STAU2: variants seen among roughly 807,000 people sequenced by gnomAD.
The protein encoded by STAU2 is double-stranded RNA-binding protein Staufen homolog 2.
STAU2 carries 20 observed loss-of-function variants against 65.9 expected under a neutral mutation model. The observed-to-expected ratio is 0.30, with a 90% confidence interval of 0.21 to 0.44. The LOEUF is 0.44. STAU2 is among the 20% of genes least tolerant of loss of function. The pLI is 1.00. For missense variants in STAU2, 558 were observed against 683.9 expected, an observed-to-expected ratio of 0.82 and a Z score of 2.05; for synonymous variants, 232 against 233.9, an observed-to-expected ratio of 0.99 and a Z score of 0.07.
In STAU2 at chr8:73,421,124, A is replaced by C. The variant is rs773967008; in HGVS notation, c.*248T>G. The C allele has an allele frequency of 1.1e-4, 45 of 398,422 alleles. 1 individual carries two copies. The highest frequency in any genetic ancestry group is 1.5e-4 in the Non-Finnish European group (33 of 224,892). The allele number at this position is 398,422 out of a possible 1,614,324, so 24.7% of individuals were successfully genotyped here. ...TATTTTAAGCTCCAGTAGCAGGATC[A>C]GATTTCTGCTGCCTCTAGGCAAATG... is the stretch of plus-strand genomic sequence containing the variant. On this transcript the variant is annotated 3_prime_UTR_variant, in exon 15 of 15. Coordinates refer to ENST00000524300, the MANE Select transcript of STAU2 (RefSeq NM_001164380.2).
At chr8:73,424,711 T>C (rs1438366069) in intron 13 of STAU2, among the ~76,000 whole-genome samples, 1 of 151,878 alleles carries the variant, frequency 6.6e-6, no homozygotes, top group Admixed American at 6.6e-5. Context: ...AATACTTTTT[T>C]CTTTCTTCTC....
chr8:73,568,609 A>C (rs1408885218), intron 12 of STAU2, among the ~76,000 whole-genome samples: 10 of 6,962 alleles, frequency 1.4e-3, no homozygotes, highest in East Asian at 7.6e-3. Flanking sequence ...ACCCTATCTC[A>C]AAAAAAAAAA....
At chr8:73,427,730 C>G (rs1816930461) in intron 13 of STAU2, among the ~76,000 whole-genome samples, 1 of 152,240 alleles carries the variant, frequency 6.6e-6, no homozygotes, top group Admixed American at 6.5e-5. Context: ...GCTCCAAGGA[C>G]CAATCCATGC....
intron 3 of STAU2, among the ~76,000 whole-genome samples, chr8:73,723,749 A>G (rs1280659933): frequency 6.6e-6 from 1 of 152,118 alleles, no homozygotes; most frequent in African/African-American, 2.4e-5. Context: ...TAACTTTTTG[A>G]ATACATGGAA....
At chr8:73,426,929 T>A (rs1441084772) in intron 13 of STAU2, among the ~76,000 whole-genome samples, 7 of 141,412 alleles carry the variant, frequency 5.0e-5, no homozygotes, top group African/African-American at 1.5e-4. Context: ...TTTAAAGATT[T>A]TTTTTTTTTT....
intron 12 of STAU2, among the ~76,000 whole-genome samples, chr8:73,568,877 G>C (rs549377731): frequency 2.6e-5 from 4 of 152,248 alleles, no homozygotes; most frequent in Admixed American, 6.5e-5. Context: ...GGCCAGATAG[G>C]AACAGCTCCA....
chr8:73,573,825 A>G (rs1176119961), intron 12 of STAU2, among the ~76,000 whole-genome samples: 1 of 152,252 alleles, frequency 6.6e-6, no homozygotes, highest in East Asian at 1.9e-4. Flanking sequence ...AGGCAATACC[A>G]TTCAGGACAT....
intron 12 of STAU2, among the ~76,000 whole-genome samples, chr8:73,580,394 A>G (rs976201677): frequency 9.2e-5 from 14 of 152,238 alleles, no homozygotes; most frequent in Admixed American, 6.5e-5. Flanking sequence ...GAGTTGTTCA[A>G]GGTCAGACAG....
chr8:73,652,439 G>A (rs968547725), intron 6 of STAU2: 25 of 152,096 alleles, frequency 1.6e-4, no homozygotes, highest in African/African-American at 5.6e-4. Context: ...CAGGCGCGGT[G>A]GCTCACGCCT....
intron 13 of STAU2, chr8:73,549,732 A>G (rs1338621164): frequency 1.0e-6 from 1 of 985,690 alleles, no homozygotes; most frequent in Non-Finnish European, 1.2e-6. Context: ...AATATTCAAT[A>G]AGCAACAGTA....
chr8:73,522,187 G>A (rs1216275193), intron 13 of STAU2, among the ~76,000 whole-genome samples: 1 of 152,196 alleles, frequency 6.6e-6, no homozygotes, highest in Non-Finnish European at 1.5e-5. Flanking sequence ...CAAAGATAGG[G>A]AAGGAAGTTT....
At chr8:73,645,346 T>C (rs780643077) in intron 6 of STAU2, among the ~76,000 whole-genome samples, 1 of 152,180 alleles carries the variant, frequency 6.6e-6, no homozygotes, top group Non-Finnish European at 1.5e-5. Context: ...AGAAATCATA[T>C]GATCAGTTAA....
chr8:73,546,127 T>C (rs1806911967), intron 13 of STAU2, among the ~76,000 whole-genome samples: 1 of 115,874 alleles, frequency 8.6e-6, no homozygotes, highest in African/African-American at 4.6e-5. Flanking sequence ...GGTTTTCTTT[T>C]TTTTTTTTTT....
intron 6 of STAU2, among the ~76,000 whole-genome samples, chr8:73,636,298 G>C (rs1814508060): frequency 6.6e-6 from 1 of 151,898 alleles, no homozygotes; most frequent in East Asian, 2.0e-4. Flanking sequence ...GATCACCTGA[G>C]CCTGGGAGGT....
chr8:73,478,101 A>C (rs1820412849), intron 13 of STAU2, among the ~76,000 whole-genome samples: 1 of 150,958 alleles, frequency 6.6e-6, no homozygotes, highest in Non-Finnish European at 1.5e-5. Flanking sequence ...GCAAGTGCTC[A>C]CAATTTGGGG....
At chr8:73,659,048 A>G (rs1816618772) in intron 6 of STAU2, among the ~76,000 whole-genome samples, 1 of 152,200 alleles carries the variant, frequency 6.6e-6, no homozygotes, top group African/African-American at 2.4e-5. Context: ...AATGCATAAA[A>G]AGTGATTGAG....
Position 73,582,758 on chromosome 8 carries a change from A to C in STAU2, c.1222+12T>G. The C allele has an allele frequency of 3.7e-6, 6 of 1,612,908 alleles. No individual in the cohort carries two copies. Among genetic ancestry groups the C allele is most frequent in the Non-Finnish European group, 5.1e-6 (6 of 1,179,122 alleles). ...AACACCAAGTGCAGACAACATAAAA[A>C]TGAGAACTTACTATTATTTGTTGGT... is the stretch of plus-strand genomic sequence containing the variant. On this transcript the variant is annotated intron_variant, in intron 12 of 14. Coordinates refer to ENST00000524300, the MANE Select transcript of STAU2 (RefSeq NM_001164380.2).
chr8:73,733,544 G>A (rs1008507847), intron 3 of STAU2, among the ~76,000 whole-genome samples: 18 of 152,094 alleles, frequency 1.2e-4, no homozygotes, highest in Non-Finnish European at 2.2e-4. Context: ...GTATACTCCC[G>A]TTGGTTATCT....
intron 9 of STAU2, among the ~76,000 whole-genome samples, chr8:73,610,009 T>C (rs1812327652): frequency 6.6e-6 from 1 of 152,176 alleles, no homozygotes; most frequent in South Asian, 2.1e-4. Context: ...CTGGGCACAG[T>C]GGCTCATGCC....
Sources: allele counts gnomAD v4.1 joint callset (sites outside exome capture counted in the v4.1 genomes callset), GRCh38; gene constraint gnomAD v4.1.1; transcripts MANE v1.5; gene names NCBI Gene and HGNC (gene_info 2026-07-23, HGNC 2026-07-21).